The following KLF12 variants were observed in gnomAD, a reference collection of about 807,000 sequenced individuals.
KLF12 encodes Krueppel-like factor 12.
Under a neutral mutation model 37.8 loss-of-function variants are expected in KLF12, and 9 were observed. The observed-to-expected ratio is 0.24, with a 90% CI of 0.14 to 0.42. KLF12 has a LOEUF of 0.42. KLF12 is among the 10% of genes least tolerant of loss of function. The pLI is 1.00. For synonymous variants in KLF12, 208 were observed against 202.1 expected, an observed-to-expected ratio of 1.03 and a Z score of -0.25; for missense variants, 411 against 516.0, an observed-to-expected ratio of 0.80 and a Z score of 1.97.
rs58691841 is a variant in KLF12, at chr13:74,122,960, T to TAAA, written c.-32+10776_-32+10778dup. 5.5e-3 allele frequency among the ~76,000 whole-genome samples: 621 copies of TAAA among 113,852 alleles called. 2 individuals carry two copies. Among genetic ancestry groups the TAAA allele is most frequent in the African/African-American group, 0.01 (297 of 29,440 alleles). The allele number at this position is 113,852 out of a possible 152,430, so 74.7% of individuals were successfully genotyped here. On this transcript the variant is annotated intron_variant, in intron 1 of 7. Transcript: ENST00000377669. ...CTAAGTAAAAGACAAAACAGGTCACTAAAAAAAAAAAAAAAAAAAGAATGA... is the reference window on the plus strand; with the variant it reads ...CTAAGTAAAAGACAAAACAGGTCACTAAAAAAAAAAAAAAAAAAAAAAGAATGA...
At chr13:74,169,778 C>A in the KLF12 span, among the ~76,000 whole-genome samples, 2 of 152,078 alleles carry the variant, frequency 1.3e-5, no homozygotes, top group African/African-American at 4.8e-5. Flanking sequence ...CCTTGAATGG[C>A]GTTGAGGAGG....
At chr13:74,065,018 AAAC>A (rs1306650117) in intron 1 of KLF12, among the ~76,000 whole-genome samples, 9 of 152,160 alleles carry the variant, frequency 5.9e-5, no homozygotes, top group African/African-American at 2.2e-4. Context: ...TGCCCAATTC[AAAC>A]AAAAACACAC....
intron 6 of KLF12, among the ~76,000 whole-genome samples, chr13:73,719,942 C>G (rs1876112975): frequency 1.3e-5 from 2 of 152,180 alleles, no homozygotes; most frequent in South Asian, 4.2e-4. Context: ...TAGTGAATAT[C>G]TGGGAATCTG....
intron 3 of KLF12, among the ~76,000 whole-genome samples, chr13:73,910,134 T>C (rs1426063787): frequency 6.6e-6 from 1 of 152,164 alleles, no homozygotes; most frequent in Non-Finnish European, 1.5e-5. Flanking sequence ...CTAAGTCTCC[T>C]CCACTGGCCC....
At chr13:74,070,603 G>A (rs939397908) in intron 1 of KLF12, among the ~76,000 whole-genome samples, 3 of 152,180 alleles carry the variant, frequency 2.0e-5, no homozygotes, top group African/African-American at 7.2e-5. Context: ...GATGGAAGAG[G>A]ACTAGGCAGG....
At chr13:73,848,775 T>C (rs1373252169) in intron 3 of KLF12, among the ~76,000 whole-genome samples, 2 of 151,986 alleles carry the variant, frequency 1.3e-5, no homozygotes, top group African/African-American at 4.8e-5. Flanking sequence ...TAAGGAAGAA[T>C]AAACCAAACT....
intron 3 of KLF12, among the ~76,000 whole-genome samples, chr13:73,887,923 G>T (rs992697487): frequency 6.6e-6 from 1 of 152,122 alleles, no homozygotes; most frequent in Admixed American, 6.5e-5. Context: ...ATAATATGAT[G>T]CTCTTTTGTA....
chr13:74,210,134 G>T, the KLF12 span, among the ~76,000 whole-genome samples: 1 of 152,170 alleles, frequency 6.6e-6, no homozygotes, highest in East Asian at 1.9e-4. Flanking sequence ...AGAAAGAGTT[G>T]ATCCAGGTGC....
intron 1 of KLF12, among the ~76,000 whole-genome samples, chr13:74,123,058 G>A (rs976989367): frequency 4.6e-5 from 7 of 150,750 alleles, no homozygotes; most frequent in South Asian, 4.2e-4. Context: ...CCATTAAAGC[G>A]AGCTTTTGCA....
the KLF12 span, among the ~76,000 whole-genome samples, chr13:74,228,992 T>C: frequency 6.6e-6 from 1 of 152,110 alleles, no homozygotes; most frequent in Admixed American, 6.6e-5. Flanking sequence ...CCTCAGTACA[T>C]GAAGCCAATC....
intron 3 of KLF12, among the ~76,000 whole-genome samples, chr13:73,893,421 G>C (rs190537274): frequency 9.0e-6 from 1 of 111,026 alleles, no homozygotes; most frequent in South Asian, 3.1e-4. Flanking sequence ...TCACTCTTTC[G>C]CCCAGGCTAG....
chr13:73,863,955 A>G (rs1023222829), intron 3 of KLF12, among the ~76,000 whole-genome samples: 2 of 152,184 alleles, frequency 1.3e-5, no homozygotes, highest in African/African-American at 4.8e-5. Flanking sequence ...AATTCTAAAT[A>G]AGTATTTTTT....
chr13:74,187,039 T>G, the KLF12 span, among the ~76,000 whole-genome samples: 1 of 152,178 alleles, frequency 6.6e-6, no homozygotes, highest in African/African-American at 2.4e-5. Context: ...TGCAACAAAT[T>G]TTAGCTCCCT....
At chr13:74,078,243 A>G (rs1372172473) in intron 1 of KLF12, among the ~76,000 whole-genome samples, 3 of 152,210 alleles carry the variant, frequency 2.0e-5, no homozygotes, top group African/African-American at 7.2e-5. Context: ...CATGCATAGA[A>G]GTATAACTTT....
At chr13:74,201,446 C>G in the KLF12 span, among the ~76,000 whole-genome samples, 2 of 152,144 alleles carry the variant, frequency 1.3e-5, no homozygotes, top group African/African-American at 4.8e-5. Context: ...TAGATCTTTT[C>G]AAATTATGTT....
At chr13:74,201,323 T>C in the KLF12 span, among the ~76,000 whole-genome samples, 1 of 152,182 alleles carries the variant, frequency 6.6e-6, no homozygotes, top group East Asian at 1.9e-4. Flanking sequence ...CATCCTCTTG[T>C]TGTAATGTAA....
intron 6 of KLF12, among the ~76,000 whole-genome samples, chr13:73,743,853 G>C (rs1326860050): frequency 6.6e-6 from 1 of 152,136 alleles, no homozygotes; most frequent in Non-Finnish European, 1.5e-5. Flanking sequence ...CCAGGAAAGA[G>C]AGAAAAATAA....
At chr13:73,836,628 T>C (rs1462861550) in intron 4 of KLF12, among the ~76,000 whole-genome samples, 1 of 152,186 alleles carries the variant, frequency 6.6e-6, no homozygotes, top group Non-Finnish European at 1.5e-5. Flanking sequence ...ATAACAGCAC[T>C]TGTACTATAT....
chr13:74,298,474 G>A, the KLF12 span, among the ~76,000 whole-genome samples: 1 of 152,184 alleles, frequency 6.6e-6, no homozygotes, highest in African/African-American at 2.4e-5. Context: ...AGCGGTTTCT[G>A]TATTGAACAG....
Sources: allele counts gnomAD v4.1 joint callset (sites outside exome capture counted in the v4.1 genomes callset), GRCh38; gene constraint gnomAD v4.1.1; transcripts MANE v1.5; gene names NCBI Gene and HGNC (gene_info 2026-07-23, HGNC 2026-07-21).